The following MLH3 variants were observed in gnomAD, a reference collection of about 807,000 sequenced individuals.
MLH3 encodes DNA mismatch repair protein Mlh3.
Under a neutral mutation model 122.2 loss-of-function variants are expected in MLH3, and 82 were observed. The ratio of observed to expected loss-of-function variants is 0.67; its 90% CI spans 0.56 to 0.81. The LOEUF is 0.81. Ranked by LOEUF, MLH3 falls within the 30% of genes least tolerant of loss-of-function variation. The pLI, the probability that MLH3 is intolerant of heterozygous loss-of-function variation, is 0.00. For missense variants in MLH3, 1,539 were observed against 1,714.5 expected (o/e 0.90, Z 1.81); for synonymous variants, 524 against 599.5 (o/e 0.87, Z 1.84).
At chr14:75,022,340 C>T (rs962158982) in intron 11 of MLH3, among the ~76,000 whole-genome samples, 1 of 152,210 alleles carries the variant, frequency 6.6e-6, no homozygotes, top group Non-Finnish European at 1.5e-5. Flanking sequence ...AAAAAAAGAA[C>T]GCTTGCTAAT....
chr14:75,044,918 G>A (rs1024220560), intron 2 of MLH3, among the ~76,000 whole-genome samples: 4 of 152,194 alleles, frequency 2.6e-5, no homozygotes, highest in Admixed American at 2.6e-4. Context: ...ATGGAAATCA[G>A]CTTTATCACC....
intron 1 of MLH3, among the ~76,000 whole-genome samples, chr14:75,050,420 G>C (rs1892580103): frequency 6.6e-6 from 1 of 151,852 alleles, no homozygotes; most frequent in African/African-American, 2.4e-5. Context: ...ATTCTTTTTT[G>C]AAACAGTCTC....
At chr14:75,036,532 A>G (rs1354220092) in intron 6 of MLH3, 1 of 378,980 alleles carries the variant, frequency 2.6e-6, no homozygotes. Flanking sequence ...TTTAGTAGAG[A>G]CAGCGTTTCA....
chr14:75,034,242 A>C (rs928839498), intron 6 of MLH3, among the ~76,000 whole-genome samples: 1 of 151,968 alleles, frequency 6.6e-6, no homozygotes, highest in African/African-American at 2.4e-5. Context: ...TGAAGCTTGA[A>C]TATATAATTC....
rs769360094 is a variant in MLH3 at position 75,047,204 on chromosome 14, AACT to A, written c.2449_2451del (p.Ser817del). The A allele has an allele frequency of 5.0e-6, 8 of 1,614,026 alleles. No homozygotes were observed. The highest frequency in any genetic ancestry group is 5.9e-6 in the Non-Finnish European group (7 of 1,180,010). On this transcript the variant is annotated inframe_deletion, in exon 2 of 13. Coordinates refer to ENST00000355774, the MANE Select transcript of MLH3 (RefSeq NM_001040108.2). ...TTAAGGATGTGGCTTGCTGGTTGACAACTACTATCTGAATCACTATGCTCCATA... is the reference window on the plus strand; with the variant it reads ...TTAAGGATGTGGCTTGCTGGTTGACAACTATCTGAATCACTATGCTCCATA...
intron 11 of MLH3, 66 bp downstream of exon 11, chr14:75,022,748 T>C: frequency 7.1e-7 from 1 of 1,408,910 alleles, no homozygotes; most frequent in Non-Finnish European, 1.0e-6. Flanking sequence ...TCTTTTGTAA[T>C]CCCGGCAGCC....
In MLH3 at chr14:75,051,438, C is replaced by T. The variant is rs558251695; in HGVS notation, c.-122G>A. On this transcript the variant is annotated 5_prime_UTR_variant, in exon 1 of 13. In the 5' UTR this introduces an upstream ATG that the reference lacks. Transcript: ENST00000355774. The stretch of plus-strand genomic sequence containing the variant: ...ACCGCCTCGGACGCCGACGCGCGCA[C>T]CTTGGATCTTGAGGCTCGTGCGTGC... The T allele has an allele frequency of 6.6e-6, 1 of 152,370 alleles. No individual in the cohort carries two copies. The highest frequency in any genetic ancestry group is 2.4e-5 in the African/African-American group (1 of 41,598). The allele number at this position is 152,370 out of a possible 1,614,324, so 9.4% of individuals were successfully genotyped here.
At position 75,016,203 on chromosome 14, in the gene MLH3, G is replaced by C. The variant is rs1032185634; in HGVS notation, c.*879C>G. On this transcript the variant is annotated 3_prime_UTR_variant, in exon 13 of 13. Coordinates refer to ENST00000355774, the MANE Select transcript of MLH3 (RefSeq NM_001040108.2). ...ATAACACCAAGATACCGTTTGAAAGGGACCCAAAGAACCCTTGTCTCCTGA... is the reference window on the plus strand; with the variant it reads ...ATAACACCAAGATACCGTTTGAAAGCGACCCAAAGAACCCTTGTCTCCTGA... 4.6e-6 allele frequency: 1 copy of C among 217,720 alleles called. No individual in the cohort carries two copies. Among genetic ancestry groups the C allele is most frequent in the Non-Finnish European group, 9.2e-6 (1 of 108,344 alleles). 13.5% of individuals were successfully genotyped at this position (217,720 alleles called of 1,614,324 possible). A position where few individuals can be genotyped will look rare whatever the true frequency, so the allele number is the denominator to read the frequency against.
chr14:75,039,410 C>G (rs972116895), intron 5 of MLH3, among the ~76,000 whole-genome samples: 11 of 152,032 alleles, frequency 7.2e-5, no homozygotes, highest in Non-Finnish European at 8.8e-5. Flanking sequence ...GTGGTAAACA[C>G]AAGGCAAAAT....
At chr14:75,035,089 A>G (rs1336033785) in intron 6 of MLH3, among the ~76,000 whole-genome samples, 2 of 138,970 alleles carry the variant, frequency 1.4e-5, no homozygotes, top group East Asian at 4.5e-4. Context: ...AAAAAAAAGT[A>G]AAGAAAAAAA....
intron 11 of MLH3, 186 bp from the exon 12 acceptor site, chr14:75,019,166 C>T: frequency 1.7e-6 from 1 of 589,374 alleles, no homozygotes; most frequent in South Asian, 1.9e-5. Flanking sequence ...AATCCCAGCA[C>T]TTTGGGAGGC....
At position 75,046,506 on chromosome 14, in the gene MLH3, T is replaced by C; in HGVS notation, c.3150A>G (p.Val1050=). The change falls in exon 2 of 13, where the codon GTA becomes GTG. Residue 1050 remains valine (V), a synonymous_variant. Transcript: ENST00000355774. ...CCSDWQRHFD[V]ALGRMVYVNK... Reference sequence around the variant, plus strand: ...TGACATAAACCATTCTTCCCAGGGCTACATCGAAATGCCGCTGCCAATCTG... The same window carrying C: ...TGACATAAACCATTCTTCCCAGGGCCACATCGAAATGCCGCTGCCAATCTG... The C allele has an allele frequency of 6.2e-7, 1 of 1,614,246 alleles. No individual in the cohort carries two copies. The highest frequency in any genetic ancestry group is 8.5e-7 in the Non-Finnish European group (1 of 1,180,038).
intron 4 of MLH3, 59 bp downstream of exon 4, chr14:75,041,555 TA>T: frequency 7.3e-7 from 1 of 1,363,632 alleles, no homozygotes; most frequent in Non-Finnish European, 1.0e-6. Flanking sequence ...TCTCAAAATT[TA>T]AAAAATAAGA....
At chr14:75,044,243 A>C (rs75945805) in intron 2 of MLH3, among the ~76,000 whole-genome samples, 1,965 of 152,310 alleles carry the variant, frequency 0.013, 23 homozygotes, top group South Asian at 0.029. Flanking sequence ...TTCTATACCA[A>C]AAATATTTTT....
intron 7 of MLH3, 132 bp downstream of exon 7, chr14:75,033,287 A>G: frequency 1.3e-6 from 1 of 744,508 alleles, no homozygotes; most frequent in South Asian, 1.5e-5. Flanking sequence ...AAACTGCAGG[A>G]CTTTAGTTTA....
Position 75,038,324 on chromosome 14 carries a change from TA to T in MLH3, c.3643+15del. 1 of 1,601,266 alleles carries T rather than the reference TA, an allele frequency of 6.2e-7. No individual in the cohort carries two copies. On this transcript the variant is annotated intron_variant, in intron 6 of 12. Transcript: ENST00000355774. ...AGACCAGCTGGTTAATCATTCAGGC[TA>T]AACTCCATTCTTACCTGCCTCGCCA...
At position 75,046,586 on chromosome 14, in the gene MLH3, C is replaced by T. The variant is rs1211804175; in HGVS notation, c.3070G>A (p.Glu1024Lys). Residue 1024 changes from glutamate (E) to lysine (K), a missense_variant, in exon 2 of 13, where the codon GAG becomes AAG. Transcript: ENST00000355774. Reference protein sequence around the residue: ...GDQNGICFQSEESKARACSET... With the variant: ...GDQNGICFQSKESKARACSET... ...GAACAAGCTCTTGCTTTAGATTCCT[C>T]ACTCTGAAAACAAATTCCATTTTGG... 6.2e-7 allele frequency: 1 copy of T among 1,614,196 alleles called. No individual in the cohort carries two copies. Among genetic ancestry groups the T allele is most frequent in the Admixed American group, 1.7e-5 (1 of 60,022 alleles).
intron 4 of MLH3, 42 bp downstream of exon 4, chr14:75,041,573 A>C (rs747177720): frequency 2.8e-5 from 41 of 1,459,192 alleles, no homozygotes; most frequent in Non-Finnish European, 3.1e-5. Flanking sequence ...AAGAAGAAGA[A>C]GAAGAAAAAA....
At chr14:75,046,319 T>A in intron 2 of MLH3, 57 bp downstream of exon 2, 1 of 1,560,494 alleles carries the variant, frequency 6.4e-7, no homozygotes, top group Admixed American at 1.7e-5. Context: ...ATCTTACTCC[T>A]TGTCCAGCAT....
Sources: gnomAD v4.1 joint callset for allele counts (sites outside exome capture counted in the v4.1 genomes callset) on GRCh38, gnomAD v4.1.1 for gene constraint, MANE v1.5 for transcripts, NCBI Gene and HGNC (gene_info 2026-07-23, HGNC 2026-07-21) for gene names.